GPRASP1: variants seen among roughly 807,000 people sequenced by gnomAD.
The protein encoded by GPRASP1 is G protein-coupled receptor associated sorting protein 1.
Under a neutral mutation model 68.4 loss-of-function variants are expected in GPRASP1, and 28 were observed. The ratio of observed to expected loss-of-function variants is 0.41; its 90% CI spans 0.30 to 0.56. GPRASP1 has a LOEUF of 0.56. Among genes scored for constraint, GPRASP1 ranks in the 20% least tolerant of loss-of-function variants. The pLI is 0.29. For missense variants in GPRASP1, 913 were observed against 1,031.5 expected, an observed-to-expected ratio of 0.89 and a Z score of 1.57; for synonymous variants, 304 against 358.2, an observed-to-expected ratio of 0.85 and a Z score of 1.71.
rs757239973 is a variant in GPRASP1 at position 102,656,974 on chromosome X, G to A, written c.3061G>A (p.Val1021Met). The A allele has an allele frequency of 3.4e-5, 41 of 1,209,594 alleles. No homozygotes were observed. Among genetic ancestry groups the A allele is most frequent in the Admixed American group, 4.4e-5 (2 of 45,779 alleles). The change falls in exon 6 of 6, where the codon GTG becomes ATG. Residue 1021 changes from valine (V) to methionine (M), a missense_variant. Physicochemically the swap from Val to Met is conservative, Grantham distance 21 (BLOSUM62 1). Coordinates refer to ENST00000537097, the MANE Select transcript of GPRASP1 (RefSeq NM_001184727.2). ...EAHFESNPSP[V>M]FRAICRSTCS... is the part of the protein sequence containing the mutation. Reference sequence around the variant, plus strand: ...CCATTTTGAATCAAATCCTAGCCCCGTGTTCAGGGCCATTTGCAGGTCCAC... The same window carrying A: ...CCATTTTGAATCAAATCCTAGCCCCATGTTCAGGGCCATTTGCAGGTCCAC...
intron 3 of GPRASP1, among the ~76,000 whole-genome samples, chrX:102,652,531 G>T (rs1265872740): frequency 1.8e-5 from 2 of 113,289 alleles, no homozygotes; most frequent in African/African-American, 6.4e-5. Flanking sequence ...AGAATATGTG[G>T]CGCCCTTCCC....
chrX:102,652,754 TA>T (rs1160285501), intron 3 of GPRASP1, 76 bp from the exon 4 acceptor site: 11 of 112,907 alleles, frequency 9.7e-5, no homozygotes, highest in African/African-American at 3.5e-4. Flanking sequence ...TTCTTATCCT[TA>T]GCGTTGGTCT....
Position 102,654,099 on chromosome X carries a change from A to G in GPRASP1, c.186A>G (p.Ala62=). Residue 62 remains alanine (A), a synonymous_variant, in exon 6 of 6, where the codon GCA becomes GCG. Coordinates refer to ENST00000537097, the MANE Select transcript of GPRASP1 (RefSeq NM_001184727.2). ...PKNKSKVMPG[A]STKVETSAVG... is the part of the protein sequence containing the mutation. The stretch of plus-strand genomic sequence containing the variant: ...ATAAGTCCAAGGTTATGCCTGGAGC[A>G]AGCACCAAAGTTGAGACAAGTGCAG... 1 of 1,212,352 alleles carries G rather than the reference A, an allele frequency of 8.2e-7. No individual in the cohort carries two copies. Among genetic ancestry groups the G allele is most frequent in the Non-Finnish European group, 1.1e-6 (1 of 895,583 alleles).
At position 102,655,230 on chromosome X, in the gene GPRASP1, C is replaced by T; in HGVS notation, c.1317C>T (p.Phe439=). 8.3e-7 allele frequency: 1 copy of T among 1,211,224 alleles called. No homozygotes were observed. Among genetic ancestry groups the T allele is most frequent in the South Asian group, 1.8e-5 (1 of 56,993 alleles). The stretch of plus-strand genomic sequence containing the variant: ...ATGAGTCCATAATTGGGAGTTGGTT[C>T]TGGACTGAAGAAGAGGCCAGTATGG... ...VEDESIIGSW[F]WTEEEASMGT... Residue 439 remains phenylalanine (F), a synonymous_variant, in exon 6 of 6, where the codon TTC becomes TTT. Coordinates refer to ENST00000537097, the MANE Select transcript of GPRASP1 (RefSeq NM_001184727.2).
rs763330937 is a variant in GPRASP1 at position 102,657,564 on chromosome X, G to A, written c.3651G>A (p.Leu1217=). The A allele has an allele frequency of 8.3e-7, 1 of 1,210,135 alleles. No homozygotes were observed. Among genetic ancestry groups the A allele is most frequent in the African/African-American group, 1.7e-5 (1 of 57,213 alleles). ...CCTCCCGAGTTAGAACAAGTTTTTT[G>A]GAAAATATGATTCGCATGGCCCCAC... The part of the protein sequence containing the change: ...YPSSRVRTSF[L]ENMIRMAPPY... Residue 1217 remains leucine (L), a synonymous_variant, in exon 6 of 6, where the codon TTG becomes TTA. Transcript: ENST00000537097.
rs750366603 is a variant in GPRASP1, at chrX:102,656,464, G to A, written c.2551G>A (p.Glu851Lys). 43 of 1,209,179 alleles carry A rather than the reference G, an allele frequency of 3.6e-5. No homozygotes were observed. In the South Asian group the frequency reaches 7.0e-4, roughly 20 times the overall value. ...VIIGSWFWEEEASPEAVAGVG... is the reference protein window; with the variant it reads ...VIIGSWFWEEKASPEAVAGVG... ...TATTGGGTCCTGGTTCTGGGAAGAA[G>A]AGGCCAGTCCGGAGGCAGTGGCAGG... is the stretch of plus-strand genomic sequence containing the variant. Residue 851 changes from glutamate to lysine, a missense_variant, in exon 6 of 6, where the codon GAG (glutamate) becomes AAG (lysine). Coordinates refer to ENST00000537097, the MANE Select transcript of GPRASP1 (RefSeq NM_001184727.2).
At position 102,656,547 on chromosome X, in the gene GPRASP1, G is replaced by T; in HGVS notation, c.2634G>T (p.Trp878Cys). Residue 878 changes from tryptophan to cysteine, a missense_variant, in exon 6 of 6, where the codon TGG becomes TGT. Trp to Cys is a radical substitution (Grantham distance 215, BLOSUM62 -2). Transcript: ENST00000537097. ...AGGAAGAAATCACTGTTGGGTCCTG[G>T]TTCTGGCCTGAAGAAGAAGCCAGTA... ...TEEEEITVGS[W>C]FWPEEEASIQ... 4 of 1,210,986 alleles carry T rather than the reference G, an allele frequency of 3.3e-6. No homozygotes were observed. Among genetic ancestry groups the T allele is most frequent in the Non-Finnish European group, 4.5e-6 (4 of 894,945 alleles).
At chrX:102,653,182 C>T (rs1013916345) in intron 4 of GPRASP1, 39 bp from the exon 5 acceptor site, 3 of 111,631 alleles carry the variant, frequency 2.7e-5, no homozygotes, top group African/African-American at 9.8e-5. Flanking sequence ...TGCCTATCTA[C>T]CATTCTCCAT....
At position 102,654,752 on chromosome X, in the gene GPRASP1, A is replaced by G. The variant is rs2081390873; in HGVS notation, c.839A>G (p.Asn280Ser). ...NTWSGPREDPNSRSRFRSKKE... is the reference protein window; with the variant it reads ...NTWSGPREDPSSRSRFRSKKE... ...TGGTCTGGGCCCAGGGAAGATCCCAATAGCAGGTCCAGGTTTAGGTCTAAG... is the reference window on the plus strand; with the variant it reads ...TGGTCTGGGCCCAGGGAAGATCCCAGTAGCAGGTCCAGGTTTAGGTCTAAG... Residue 280 changes from asparagine (N) to serine (S), a missense_variant, in exon 6 of 6, where the codon AAT becomes AGT. By Grantham distance (46) the Asn-to-Ser change is conservative. Transcript: ENST00000537097. The G allele has an allele frequency of 1.7e-6, 2 of 1,207,544 alleles. No homozygotes were observed. The highest frequency in any genetic ancestry group is 3.0e-5 in the East Asian group (1 of 33,714).
At position 102,655,126 on chromosome X, in the gene GPRASP1, A is replaced by G; in HGVS notation, c.1213A>G (p.Ile405Val). ...AGCCAGGTCAGAGGAGGAAGCCCTCATTGGGACCTGGTTCTGGGCTACAGA... is the reference window on the plus strand; with the variant it reads ...AGCCAGGTCAGAGGAGGAAGCCCTCGTTGGGACCTGGTTCTGGGCTACAGA... ...QEARSEEEAL[I>V]GTWFWATDES... Residue 405 changes from isoleucine (I) to valine (V), a missense_variant, in exon 6 of 6, where the codon ATT (isoleucine) becomes GTT (valine). By Grantham distance (29) the Ile-to-Val change is conservative. Transcript: ENST00000537097. 8.2e-7 allele frequency: 1 copy of G among 1,212,212 alleles called. No homozygotes were observed.
rs780950807 is a variant in GPRASP1 at position 102,655,339 on chromosome X, A to G, written c.1426A>G (p.Ser476Gly). The change falls in exon 6 of 6, where the codon AGT (serine) becomes GGT (glycine). Residue 476 changes from serine (S) to glycine (G), a missense_variant. Physicochemically the swap from Ser to Gly is moderately conservative, Grantham distance 56. Coordinates refer to ENST00000537097, the MANE Select transcript of GPRASP1 (RefSeq NM_001184727.2). Reference protein sequence around the residue: ...DSLFGAREKTSMKTGAEATSE... With the variant: ...DSLFGAREKTGMKTGAEATSE... The stretch of plus-strand genomic sequence containing the variant: ...CTTATTTGGGGCTAGGGAAAAGACC[A>G]GTATGAAAACTGGGGCTGAGGCCAC... 79 of 1,209,990 alleles carry G rather than the reference A, an allele frequency of 6.5e-5. No individual in the cohort carries two copies. The highest frequency in any genetic ancestry group is 8.0e-5 in the Non-Finnish European group (72 of 894,845).
At position 102,654,527 on chromosome X, in the gene GPRASP1, G is replaced by A. The variant is rs1404117706; in HGVS notation, c.614G>A (p.Ser205Asn). The A allele has an allele frequency of 1.7e-6, 2 of 1,210,748 alleles. No individual in the cohort carries two copies. The highest frequency in any genetic ancestry group is 2.2e-6 in the Non-Finnish European group (2 of 894,502). The change falls in exon 6 of 6, where the codon AGT (serine) becomes AAT (asparagine). Residue 205 changes from serine to asparagine, a missense_variant. Ser to Asn is a conservative substitution (Grantham distance 46). Transcript: ENST00000537097. The part of the protein sequence containing the change: ...VDKSVSSLFW[S>N]GDEVTAKFHP... ...AAATCTGTGAGTTCCTTGTTCTGGA[G>A]TGGAGATGAGGTCACTGCAAAATTT...
At position 102,656,341 on chromosome X, in the gene GPRASP1, ATTG is replaced by A. The variant is rs2081411909; in HGVS notation, c.2432_2434del (p.Val811del). 1 of 1,193,305 alleles carries A rather than the reference ATTG, an allele frequency of 8.4e-7. No individual in the cohort carries two copies. Among genetic ancestry groups the A allele is most frequent in the African/African-American group, 1.8e-5 (1 of 56,243 alleles). On this transcript the variant is annotated inframe_deletion, in exon 6 of 6. Coordinates refer to ENST00000537097, the MANE Select transcript of GPRASP1 (RefSeq NM_001184727.2). ...CAGGCTAGCAGCTGAGAAAGAAGGT[ATTG>A]TTGGGTCCTGGTTTGGGGCCAGAGA...
At position 102,654,893 on chromosome X, in the gene GPRASP1, C is replaced by A; in HGVS notation, c.980C>A (p.Ala327Asp). Residue 327 changes from alanine to aspartate, a missense_variant, in exon 6 of 6, where the codon GCC (alanine) becomes GAC (aspartate). Physicochemically the swap from Ala to Asp is moderately radical, Grantham distance 126 (BLOSUM62 -2). Transcript: ENST00000537097. Reference protein sequence around the residue: ...FRSKMRAGKEANNRARHRAKR... With the variant: ...FRSKMRAGKEDNNRARHRAKR... ...TCCAAAATGAGAGCTGGGAAGGAGG[C>A]CAATAACAGGGCCAGGCACAGGGCC... is the stretch of plus-strand genomic sequence containing the variant. 2.5e-6 allele frequency: 3 copies of A among 1,211,569 alleles called. No homozygotes were observed. The highest frequency in any genetic ancestry group is 3.4e-6 in the Non-Finnish European group (3 of 895,185).
chrX:102,655,170 T>C lies in GPRASP1; in HGVS notation c.1257T>C (p.Asp419=). 2 of 1,211,846 alleles carry C rather than the reference T, an allele frequency of 1.7e-6. No individual in the cohort carries two copies. Among genetic ancestry groups the C allele is most frequent in the Non-Finnish European group, 2.2e-6 (2 of 895,508 alleles). ...CTACAGACGAGTCCAGCATGGCAGA[T>C]GAAGCCAGCATAGAGTCCAGTCTAC... ...FWATDESSMA[D]EASIESSLQV... Residue 419 remains aspartate (D), a synonymous_variant, in exon 6 of 6, where the codon GAT becomes GAC. Coordinates refer to ENST00000537097, the MANE Select transcript of GPRASP1 (RefSeq NM_001184727.2).
At position 102,657,777 on chromosome X, in the gene GPRASP1, C is replaced by A. The variant is rs2081430349; in HGVS notation, c.3864C>A (p.Gly1288=). 1 of 1,207,043 alleles carries A rather than the reference C, an allele frequency of 8.3e-7. No homozygotes were observed. Among genetic ancestry groups the A allele is most frequent in the Non-Finnish European group, 1.1e-6 (1 of 891,464 alleles). The stretch of plus-strand genomic sequence containing the variant: ...GGTTTCTCTCCTTATTAGCTACAGG[C>A]AATGCCAAAACAAGGTTTCATGTTT... ...MSGFLSLLAT[G]NAKTRFHVLK... Residue 1288 remains glycine (G), a synonymous_variant, in exon 6 of 6, where the codon GGC becomes GGA. Transcript: ENST00000537097.
At position 102,655,518 on chromosome X, in the gene GPRASP1, G is replaced by A. The variant is rs753125376; in HGVS notation, c.1605G>A (p.Gly535=). 8.3e-7 allele frequency: 1 copy of A among 1,211,427 alleles called. No individual in the cohort carries two copies. The highest frequency in any genetic ancestry group is 1.8e-5 in the South Asian group (1 of 56,960). The stretch of plus-strand genomic sequence containing the variant: ...CGGCCAGTGTGGAATCTGGTGTTGG[G>A]GTCAGCTGTGAGTCCAGGACAAGGT... ...IDAASVESGV[G]VSCESRTRSE... Residue 535 remains glycine, a synonymous_variant, in exon 6 of 6, where the codon GGG becomes GGA. Coordinates refer to ENST00000537097, the MANE Select transcript of GPRASP1 (RefSeq NM_001184727.2).
chrX:102,656,555 C>G lies in GPRASP1; in HGVS notation c.2642C>G (p.Pro881Arg). 1 of 1,210,237 alleles carries G rather than the reference C, an allele frequency of 8.3e-7. No homozygotes were observed. Among genetic ancestry groups the G allele is most frequent in the Non-Finnish European group, 1.1e-6 (1 of 894,755 alleles). ...EEITVGSWFW[P>R]EEEASIQAGS... ...ATCACTGTTGGGTCCTGGTTCTGGC[C>G]TGAAGAAGAAGCCAGTATACAGGCT... The change falls in exon 6 of 6, where the codon CCT becomes CGT. Residue 881 changes from proline to arginine, a missense_variant. By Grantham distance (103) the Pro-to-Arg change is moderately radical (BLOSUM62 -2). Coordinates refer to ENST00000537097, the MANE Select transcript of GPRASP1 (RefSeq NM_001184727.2).
Position 102,655,677 on chromosome X carries a change from C to A in GPRASP1, c.1764C>A (p.Asn588Lys). 8.3e-7 allele frequency: 1 copy of A among 1,210,491 alleles called. No homozygotes were observed. Residue 588 changes from asparagine to lysine, a missense_variant, in exon 6 of 6, where the codon AAC (asparagine) becomes AAA (lysine). Transcript: ENST00000537097. Reference sequence around the variant, plus strand: ...TCGGGTCCTGGTTTTGGGCTGAAAACCAGACCTATATGGATTGTAGGGCTG... The same window carrying A: ...TCGGGTCCTGGTTTTGGGCTGAAAAACAGACCTATATGGATTGTAGGGCTG... ...TIFGSWFWAE[N>K]QTYMDCRAET...
Sources: gnomAD v4.1 joint callset for allele counts (sites outside exome capture counted in the v4.1 genomes callset) on GRCh38, gnomAD v4.1.1 for gene constraint, MANE v1.5 for transcripts, NCBI Gene and HGNC (gene_info 2026-07-23, HGNC 2026-07-21) for gene names.